Variants in PCDH9 observed in about 807,000 individuals in gnomAD.
PCDH9 encodes protocadherin-9.
PCDH9 carries 24 observed loss-of-function variants against 70.6 expected under a neutral mutation model. The ratio of observed to expected loss-of-function variants is 0.34; its 90% confidence interval spans 0.25 to 0.48. The LOEUF (loss-of-function observed/expected upper bound fraction) is 0.48. Among genes scored for constraint, PCDH9 ranks in the 20% least tolerant of loss-of-function variants. The pLI, the probability that PCDH9 is intolerant of heterozygous loss-of-function variation, is 0.99. For synonymous variants in PCDH9, 562 were observed against 558.5 expected, an observed-to-expected ratio of 1.01 and a Z score of -0.09; for missense variants, 1,281 against 1,503.6, an observed-to-expected ratio of 0.85 and a Z score of 2.45.
chr13:66,959,750 CAAA>C (rs5804305), intron 2 of PCDH9, among the ~76,000 whole-genome samples: 2 of 129,260 alleles, frequency 1.5e-5, no homozygotes, highest in Admixed American at 8.0e-5. Flanking sequence ...GACCCCGTCT[CAAA>C]AAAAAAAAAA....
intron 2 of PCDH9, among the ~76,000 whole-genome samples, chr13:67,050,099 A>G (rs1450704153): frequency 6.6e-6 from 1 of 152,238 alleles, no homozygotes; most frequent in Non-Finnish European, 1.5e-5. Flanking sequence ...GACACAACAT[A>G]ATGAAATACT....
chr13:67,165,010 C>A (rs2088071578), intron 2 of PCDH9, among the ~76,000 whole-genome samples: 1 of 152,084 alleles, frequency 6.6e-6, no homozygotes, highest in African/African-American at 2.4e-5. Context: ...ATCTTATTGA[C>A]CATAGCATCC....
intron 4 of PCDH9, chr13:66,323,562 C>A (rs1357687241): frequency 6.6e-6 from 1 of 151,862 alleles, no homozygotes; most frequent in East Asian, 1.9e-4. Context: ...GTTTCTTTGG[C>A]TTCTTTCTTG....
chr13:67,183,299 T>G (rs1480510734), intron 2 of PCDH9, among the ~76,000 whole-genome samples: 3 of 152,108 alleles, frequency 2.0e-5, no homozygotes, highest in African/African-American at 2.4e-5. Flanking sequence ...AAACTAAGCA[T>G]GTGAAGTGGA....
chr13:66,704,392 T>C (rs1218265139), intron 3 of PCDH9, among the ~76,000 whole-genome samples: 1 of 152,210 alleles, frequency 6.6e-6, no homozygotes, highest in African/African-American at 2.4e-5. Flanking sequence ...AGACATTTCT[T>C]AGGGCTGTTT....
intron 3 of PCDH9, among the ~76,000 whole-genome samples, chr13:66,872,273 G>A (rs2081706944): frequency 6.6e-6 from 1 of 152,116 alleles, no homozygotes; most frequent in Non-Finnish European, 1.5e-5. Flanking sequence ...ATTAGTAAAA[G>A]CAATTTATTT....
chr13:66,776,086 T>A (rs1380870685), intron 3 of PCDH9, among the ~76,000 whole-genome samples: 4 of 152,130 alleles, frequency 2.6e-5, no homozygotes, highest in Non-Finnish European at 5.9e-5. Context: ...ATTACCAAAT[T>A]CCATTTCAAA....
chr13:66,764,107 C>G (rs1400486742), intron 3 of PCDH9, among the ~76,000 whole-genome samples: 1 of 151,900 alleles, frequency 6.6e-6, no homozygotes, highest in Non-Finnish European at 1.5e-5. Flanking sequence ...CCTATTTAAT[C>G]TCTTCAAAAG....
intron 4 of PCDH9, among the ~76,000 whole-genome samples, chr13:66,456,734 C>T (rs919447267): frequency 2.0e-5 from 3 of 152,112 alleles, no homozygotes; most frequent in African/African-American, 7.2e-5. Context: ...CCCGTTCTTT[C>T]TTCCAAGTAT....
chr13:66,824,828 T>C (rs1594108837), intron 3 of PCDH9, among the ~76,000 whole-genome samples: 1 of 151,346 alleles, frequency 6.6e-6, no homozygotes, highest in East Asian at 2.0e-4. Context: ...GGTGAGACAA[T>C]GGAGCGTATT....
At chr13:66,997,486 C>T (rs533400571) in intron 2 of PCDH9, among the ~76,000 whole-genome samples, 2 of 149,692 alleles carry the variant, frequency 1.3e-5, no homozygotes, top group South Asian at 2.1e-4. Flanking sequence ...CCATTAGGCT[C>T]GTCACCAACA....
intron 3 of PCDH9, among the ~76,000 whole-genome samples, chr13:66,754,575 C>T (rs7983330): frequency 0.45 from 68,240 of 151,730 alleles, 16,293 homozygotes; most frequent in African/African-American, 0.61. Context: ...CAGGATATAC[C>T]TAATCTATAG....
At chr13:66,414,400 G>T (rs1465043042) in intron 4 of PCDH9, among the ~76,000 whole-genome samples, 1 of 152,164 alleles carries the variant, frequency 6.6e-6, no homozygotes, top group Non-Finnish European at 1.5e-5. Context: ...TCTGCTTCAG[G>T]TTCCTCACAT....
At chr13:66,760,241 T>C (rs565494749) in intron 3 of PCDH9, among the ~76,000 whole-genome samples, 6 of 152,184 alleles carry the variant, frequency 3.9e-5, no homozygotes, top group Non-Finnish European at 8.8e-5. Flanking sequence ...CTCCCTTTTA[T>C]GTTATTTGCT....
chr13:67,215,101 A>G (rs968703297), intron 2 of PCDH9: 2 of 151,080 alleles, frequency 1.3e-5, no homozygotes, highest in East Asian at 1.9e-4. Context: ...GTAGTTCATC[A>G]AGTCAGTTTT....
At chr13:66,944,627 C>T (rs2083057327) in intron 2 of PCDH9, among the ~76,000 whole-genome samples, 1 of 152,100 alleles carries the variant, frequency 6.6e-6, no homozygotes, top group African/African-American at 2.4e-5. Flanking sequence ...CCAGCTGCCC[C>T]TGGAAAACAC....
chr13:66,811,480 A>G (rs1209060997), intron 3 of PCDH9, among the ~76,000 whole-genome samples: 2 of 152,294 alleles, frequency 1.3e-5, no homozygotes, highest in East Asian at 3.9e-4. Flanking sequence ...TATTTTTCCT[A>G]TGCTTAAAAT....
At chr13:66,744,038 A>T (rs2079317163) in intron 3 of PCDH9, among the ~76,000 whole-genome samples, 2 of 152,214 alleles carry the variant, frequency 1.3e-5, no homozygotes, top group South Asian at 4.1e-4. Flanking sequence ...GATGGCCAGA[A>T]GGTGTCCAAC....
rs147204496 is a variant in PCDH9 at position 66,998,604 on chromosome 13, T to C, written c.3037-94999A>G. ...AGAAACAAAGTTTTCATCTCAGCAG[T>C]TGCCAAAATTAAGGAAAACATAATT... On this transcript the variant is annotated intron_variant, in intron 2 of 4. Coordinates refer to ENST00000377865, the MANE Select transcript of PCDH9 (RefSeq NM_203487.3). 2.0e-3 allele frequency among the ~76,000 whole-genome samples: 299 copies of C among 152,320 alleles called. 3 individuals are homozygous for C. The highest frequency in any genetic ancestry group is 2.1e-3 in the Admixed American group (32 of 15,294).
Sources: allele counts gnomAD v4.1 joint callset (sites outside exome capture counted in the v4.1 genomes callset), GRCh38; gene constraint gnomAD v4.1.1; transcripts MANE v1.5; gene names NCBI Gene and HGNC (gene_info 2026-07-23, HGNC 2026-07-21).